KAZN: variants seen among roughly 807,000 people sequenced by gnomAD.
KAZN encodes kazrin, periplakin interacting protein, also known as kazrin.
A neutral mutation model predicts 87.4 loss-of-function variants in KAZN; 40 were observed. The observed-to-expected ratio is 0.46, with a 90% CI of 0.36 to 0.60. KAZN has a LOEUF of 0.60. Ranked by LOEUF, KAZN falls within the 20% of genes least tolerant of loss-of-function variation. The pLI is 0.00. For missense variants in KAZN, 898 were observed against 1,073.9 expected (o/e 0.84, Z 2.29); for synonymous variants, 466 against 458.3 (o/e 1.02, Z -0.22).
chr1:14,593,349 G>A (rs1028048830), intron 2 of KAZN, among the ~76,000 whole-genome samples: 1 of 152,172 alleles, frequency 6.6e-6, no homozygotes, highest in Non-Finnish European at 1.5e-5. Context: ...CACCAGACAG[G>A]GGGAGCAGAA....
chr1:13,912,248 G>T (rs931249596), intron 1 of KAZN, among the ~76,000 whole-genome samples: 1 of 152,134 alleles, frequency 6.6e-6, no homozygotes, highest in Admixed American at 6.5e-5. Flanking sequence ...GGTCAGAAGA[G>T]AACCCCCGTC....
intron 1 of KAZN, among the ~76,000 whole-genome samples, chr1:14,694,574 C>T (rs931184506): frequency 4.6e-5 from 7 of 152,184 alleles, no homozygotes; most frequent in African/African-American, 1.7e-4. Context: ...ATCTTCTGCT[C>T]TTATCAAATG....
At chr1:14,355,400 ATATTTATTTATTTATT>A (rs58049152) in intron 2 of KAZN, among the ~76,000 whole-genome samples, 63 of 147,978 alleles carry the variant, frequency 4.3e-4, no homozygotes, top group Middle Eastern at 7.1e-3. Context: ...AACAATCTAC[ATATTTATTTATTTATT>A]TATTTATTTA....
chr1:14,174,836 CTA>C (rs917908822), intron 1 of KAZN, among the ~76,000 whole-genome samples: 53 of 152,286 alleles, frequency 3.5e-4, no homozygotes, highest in African/African-American at 1.2e-3. Context: ...CAATCTGTCT[CTA>C]ATTCTCAGAG....
At chr1:14,116,145 A>T (rs983032824) in intron 1 of KAZN, among the ~76,000 whole-genome samples, 3 of 152,176 alleles carry the variant, frequency 2.0e-5, no homozygotes, top group Admixed American at 1.3e-4. Context: ...TCCTGAGGAG[A>T]AATCCAAGCT....
intron 1 of KAZN, among the ~76,000 whole-genome samples, chr1:14,940,838 C>T (rs1660976501): frequency 2.0e-5 from 3 of 150,732 alleles, no homozygotes. Context: ...TGTGGCTAGC[C>T]CAGTAGCCTG....
chr1:14,063,786 T>C (rs143007181), intron 1 of KAZN, among the ~76,000 whole-genome samples: 2 of 152,258 alleles, frequency 1.3e-5, no homozygotes, highest in East Asian at 3.9e-4. Context: ...ACTGTTCTTG[T>C]GGTAGTGAAT....
intron 2 of KAZN, among the ~76,000 whole-genome samples, chr1:14,288,411 G>T (rs562500654): frequency 8.5e-5 from 13 of 152,282 alleles, no homozygotes; most frequent in African/African-American, 3.1e-4. Flanking sequence ...TCTTGGGAGG[G>T]TGTATGTGTC....
chr1:14,735,544 G>A lies in KAZN; in HGVS notation c.226+136321G>A, dbSNP rs928255705. ...AGCCTCGCTGGTAGCCAGGCTCAGA[G>A]AGAATGTGCTAAACCCCACACACCT... On this transcript the variant is annotated intron_variant, in intron 1 of 14. Transcript: ENST00000376030. The surrounding 1 kb of genome is among the most constrained non-coding windows in gnomAD (Gnocchi z 4.3). Among the ~76,000 whole-genome samples, 1 of 152,098 alleles carries A rather than the reference G, an allele frequency of 6.6e-6. No homozygotes were observed. Among genetic ancestry groups the A allele is most frequent in the Non-Finnish European group, 1.5e-5 (1 of 68,022 alleles).
At position 14,461,575 on chromosome 1, in the gene KAZN, G is replaced by A. The variant is rs187835975; in HGVS notation, c.250-137408G>A. ...ATGTCTTTATCAGCAGTGTGAAAAC[G>A]GACTAATACAGAGGGATAAGACATT... On this transcript the variant is annotated intron_variant, in intron 2 of 16. Coordinates refer to the KAZN transcript ENST00000636203. Among the ~76,000 whole-genome samples, 590 of 152,176 alleles carry A rather than the reference G, an allele frequency of 3.9e-3. 1 individual carries two copies. The highest frequency in any genetic ancestry group is 6.6e-3 in the Non-Finnish European group (452 of 67,992).
intron 2 of KAZN, among the ~76,000 whole-genome samples, chr1:14,335,249 C>T (rs1657167130): frequency 6.7e-6 from 1 of 149,808 alleles, no homozygotes. Context: ...GTCACCCAGG[C>T]TAGAATGTAG....
At chr1:14,976,744 C>T (rs867980978) in intron 2 of KAZN, among the ~76,000 whole-genome samples, 5 of 152,112 alleles carry the variant, frequency 3.3e-5, no homozygotes, top group African/African-American at 9.7e-5. Context: ...GAAGAACACA[C>T]GGCAGGGCGC....
chr1:14,599,135 C>CGGCCCG lies in KAZN; in HGVS notation c.147_152dup (p.Pro50_Gly51dup), dbSNP rs1272203935. The CGGCCCG allele has an allele frequency of 4.1e-6, 6 of 1,472,614 alleles. No individual in the cohort carries two copies. Among genetic ancestry groups the CGGCCCG allele is most frequent in the Non-Finnish European group, 3.6e-6 (4 of 1,117,316 alleles). The allele number at this position is 1,472,614 out of a possible 1,614,324, so 91.2% of individuals were successfully genotyped here. ...CGGAACTGAGCGGCGGCGGCGGCCCCGGCCCGGGCCCGGGAGCCGCGGCCA... is the reference window on the plus strand; with the variant it reads ...CGGAACTGAGCGGCGGCGGCGGCCCCGGCCCGGGCCCGGGCCCGGGAGCCGCGGCCA... On this transcript the variant is annotated inframe_insertion, in exon 1 of 15. Transcript: ENST00000376030. The surrounding 1 kb of genome is among the most constrained non-coding windows in gnomAD (Gnocchi z 4.4).
Position 13,972,952 on chromosome 1 carries a change from A to G in KAZN, c.91+79196A>G, listed in dbSNP as rs2294813. Reference sequence around the variant, plus strand: ...CCCTTATATAATGCAATGATTTAACATATTTATTGTCTATCACATGCCAGG... The same window carrying G: ...CCCTTATATAATGCAATGATTTAACGTATTTATTGTCTATCACATGCCAGG... On this transcript the variant is annotated intron_variant, in intron 1 of 16. Transcript: ENST00000636203. 9.8e-3 allele frequency among the ~76,000 whole-genome samples: 1,496 copies of G among 152,340 alleles called. 128 individuals are homozygous for G. In the East Asian group the frequency reaches 0.19, roughly 19 times the overall value.
chr1:15,014,994 TC>T (rs1186423001), intron 2 of KAZN, among the ~76,000 whole-genome samples: 3 of 152,150 alleles, frequency 2.0e-5, no homozygotes, highest in African/African-American at 7.2e-5. Context: ...AAAATGGGAA[TC>T]ATAGTAGTTA....
intron 2 of KAZN, among the ~76,000 whole-genome samples, chr1:14,264,285 C>T (rs538278737): frequency 6.6e-6 from 1 of 152,300 alleles, no homozygotes; most frequent in South Asian, 2.1e-4. Flanking sequence ...TGGTGACTGT[C>T]AGCCAGGAGT....
Position 14,776,427 on chromosome 1 carries a change from T to C in KAZN, c.226+177204T>C, listed in dbSNP as rs540045290. ...AGGCACATGACCCAGACCCCTGTCC[T>C]TGGGATCTGCCCTCACTGCATCCAC... On this transcript the variant is annotated intron_variant, in intron 1 of 14. Transcript: ENST00000376030. Among the ~76,000 whole-genome samples the C allele has an allele frequency of 2.0e-3, 309 of 152,324 alleles. 2 individuals carry two copies. Among genetic ancestry groups the C allele is most frequent in the African/African-American group, 7.2e-3 (298 of 41,566 alleles).
At position 14,600,513 on chromosome 1, in the gene KAZN, A is replaced by AT. The variant is rs1444042605; in HGVS notation, c.226+1292dup. Among the ~76,000 whole-genome samples the AT allele has an allele frequency of 1.6e-4, 25 of 152,080 alleles. 1 individual carries two copies. Among genetic ancestry groups the AT allele is most frequent in the Admixed American group, 1.6e-3 (25 of 15,260 alleles). On this transcript the variant is annotated intron_variant, in intron 1 of 14. Coordinates refer to ENST00000376030, the MANE Select transcript of KAZN (RefSeq NM_201628.3). ...CCGGAGCCTGTTGGAAGTCTTAGGA[A>AT]TTGGGGGGAGTACTTTGGTAAGGAA... is the stretch of plus-strand genomic sequence containing the variant.
intron 1 of KAZN, among the ~76,000 whole-genome samples, chr1:14,830,343 C>T (rs1490409991): frequency 1.3e-5 from 2 of 152,140 alleles, no homozygotes; most frequent in Non-Finnish European, 1.5e-5. Flanking sequence ...TCTCCTTGGC[C>T]CAACTTGGGT....
Sources: allele counts gnomAD v4.1 joint callset (sites outside exome capture counted in the v4.1 genomes callset), GRCh38; gene constraint gnomAD v4.1.1; non-coding constraint Gnocchi (gnomAD v3.1); transcripts MANE v1.5; gene names NCBI Gene and HGNC (gene_info 2026-07-23, HGNC 2026-07-21).